The following PLPPR1 variants were observed in gnomAD, a reference collection of about 807,000 sequenced individuals.
The protein encoded by PLPPR1 is phospholipid phosphatase-related protein type 1.
A neutral mutation model predicts 33.1 loss-of-function variants in PLPPR1; 10 were observed. That is an observed-to-expected ratio of 0.30 (90% confidence interval 0.19 to 0.51). PLPPR1 has a LOEUF of 0.51. PLPPR1 is among the 20% of genes least tolerant of loss of function. The probability of loss-of-function intolerance (pLI) is 0.97; values close to 1 mark genes in which losing one functional copy is unlikely to be tolerated. For synonymous variants in PLPPR1, 151 were observed against 151.0 expected, an observed-to-expected ratio of 1.00 and a Z score of 0.00; for missense variants, 304 against 408.1, an observed-to-expected ratio of 0.74 and a Z score of 2.20.
intron 1 of PLPPR1, among the ~76,000 whole-genome samples, chr9:101,146,121 A>T (rs1016641392): frequency 6.6e-6 from 1 of 152,160 alleles, no homozygotes; most frequent in Non-Finnish European, 1.5e-5. Flanking sequence ...ATAGTGCTTC[A>T]TATCTCTTGG....
At chr9:101,092,100 A>G (rs1291256144) in intron 1 of PLPPR1, among the ~76,000 whole-genome samples, 2 of 151,950 alleles carry the variant, frequency 1.3e-5, no homozygotes, top group Non-Finnish European at 2.9e-5. Context: ...CCAGCACAAC[A>G]TGCTCTCTCT....
intron 3 of PLPPR1, among the ~76,000 whole-genome samples, chr9:101,281,980 T>C (rs1223534806): frequency 6.6e-6 from 1 of 152,182 alleles, no homozygotes; most frequent in Non-Finnish European, 1.5e-5. Context: ...TGCTGCTGAA[T>C]TCTACCAAAA....
chr9:101,188,681 A>T (rs745482782), intron 2 of PLPPR1, among the ~76,000 whole-genome samples: 4 of 151,994 alleles, frequency 2.6e-5, no homozygotes, highest in Non-Finnish European at 5.9e-5. Flanking sequence ...TGGATTACTT[A>T]ATTTGGTTTA....
At chr9:101,172,791 C>T (rs966594718) in intron 1 of PLPPR1, among the ~76,000 whole-genome samples, 1 of 152,116 alleles carries the variant, frequency 6.6e-6, no homozygotes, top group Non-Finnish European at 1.5e-5. Context: ...TGCCTGGATT[C>T]CCCTTGTTGT....
chr9:101,099,526 A>G (rs1830869220), intron 1 of PLPPR1, among the ~76,000 whole-genome samples: 1 of 152,160 alleles, frequency 6.6e-6, no homozygotes, highest in Non-Finnish European at 1.5e-5. Flanking sequence ...TTGAAAATAC[A>G]TGGGGAGAAA....
At chr9:101,051,263 ACTACTACTACTT>A (rs769691751) in intron 1 of PLPPR1, among the ~76,000 whole-genome samples, 49 of 151,594 alleles carry the variant, frequency 3.2e-4, no homozygotes, top group Non-Finnish European at 4.7e-4. Context: ...TACTACTACT[ACTACTACTACTT>A]CTACTACTAC....
intron 1 of PLPPR1, among the ~76,000 whole-genome samples, chr9:101,105,837 A>G (rs1407879752): frequency 1.6e-5 from 2 of 128,840 alleles, no homozygotes; most frequent in African/African-American, 6.3e-5. Context: ...GTGCTCCTGT[A>G]TTCGGTGCAT....
intron 2 of PLPPR1, among the ~76,000 whole-genome samples, chr9:101,243,645 C>G (rs1377536113): frequency 2.6e-5 from 4 of 151,806 alleles, no homozygotes; most frequent in Non-Finnish European, 5.9e-5. Context: ...ATTGGAAAAT[C>G]TTGACTATAA....
rs917351740 is a variant in PLPPR1, at chr9:101,110,453, A to G, written c.-45-74997A>G. ...TCCATTTACCTAGCAAATTCCTTTTATTCTGAAACATTTACACAAATTTGC... is the reference window on the plus strand; with the variant it reads ...TCCATTTACCTAGCAAATTCCTTTTGTTCTGAAACATTTACACAAATTTGC... On this transcript the variant is annotated intron_variant, in intron 1 of 7. Coordinates refer to ENST00000374874, the MANE Select transcript of PLPPR1 (RefSeq NM_207299.2). Among the ~76,000 whole-genome samples the G allele has an allele frequency of 3.3e-5, 5 of 152,188 alleles. No homozygotes were observed. The East Asian group carries it at 9.6e-4, about 29-fold the overall frequency.
chr9:101,293,446 A>G (rs1189243180), intron 4 of PLPPR1, among the ~76,000 whole-genome samples: 5 of 152,064 alleles, frequency 3.3e-5, no homozygotes, highest in Admixed American at 3.3e-4. Context: ...CTCTGCACCA[A>G]GCAGACCTAA....
intron 7 of PLPPR1, among the ~76,000 whole-genome samples, chr9:101,321,649 A>G (rs1361758713): frequency 6.6e-6 from 1 of 151,864 alleles, no homozygotes; most frequent in African/African-American, 2.4e-5. Flanking sequence ...AATAACAAAA[A>G]TTAAATTAGA....
At chr9:101,060,876 A>T (rs1045241787) in intron 1 of PLPPR1, among the ~76,000 whole-genome samples, 7 of 151,946 alleles carry the variant, frequency 4.6e-5, no homozygotes, top group Admixed American at 4.6e-4. Context: ...AAAATGTTTT[A>T]TCAATTTATA....
At chr9:101,172,263 C>T (rs977762095) in intron 1 of PLPPR1, among the ~76,000 whole-genome samples, 3 of 151,718 alleles carry the variant, frequency 2.0e-5, no homozygotes, top group African/African-American at 4.8e-5. Context: ...CTCAGTAGTG[C>T]AGACTGGCTA....
At chr9:101,101,253 G>A (rs1045748241) in intron 1 of PLPPR1, among the ~76,000 whole-genome samples, 9 of 152,118 alleles carry the variant, frequency 5.9e-5, no homozygotes, top group Admixed American at 5.9e-4. Flanking sequence ...ATGTGCCAGT[G>A]ATGACTTACA....
At chr9:101,160,054 T>C (rs1202152573) in intron 1 of PLPPR1, among the ~76,000 whole-genome samples, 2 of 152,066 alleles carry the variant, frequency 1.3e-5, no homozygotes, top group Admixed American at 6.6e-5. Flanking sequence ...GAATGCTAAG[T>C]GTAGATGAAA....
At chr9:101,251,248 T>C (rs542384766) in intron 2 of PLPPR1, among the ~76,000 whole-genome samples, 1 of 152,108 alleles carries the variant, frequency 6.6e-6, no homozygotes, top group Non-Finnish European at 1.5e-5. Context: ...ATATAGTAGG[T>C]GCTCAGCAAA....
At chr9:101,068,388 A>G (rs547730068) in intron 1 of PLPPR1, among the ~76,000 whole-genome samples, 31 of 152,174 alleles carry the variant, frequency 2.0e-4, no homozygotes, top group African/African-American at 7.5e-4. Context: ...GTAGGGGCTT[A>G]AAAAAGCAGT....
At chr9:101,309,095 G>A (rs1828907693) in intron 4 of PLPPR1, 116 bp from the exon 5 acceptor site, 1 of 1,020,532 alleles carries the variant, frequency 9.8e-7, no homozygotes, top group Non-Finnish European at 1.5e-6. Context: ...ACTCCGGGGA[G>A]TACTTAGAAT....
At chr9:101,202,227 G>A (rs1166783750) in intron 2 of PLPPR1, among the ~76,000 whole-genome samples, 2 of 152,176 alleles carry the variant, frequency 1.3e-5, no homozygotes, top group Non-Finnish European at 2.9e-5. Flanking sequence ...GTTGTTTAAT[G>A]TGCATAATGT....
Sources: allele counts gnomAD v4.1 joint callset (sites outside exome capture counted in the v4.1 genomes callset), GRCh38; gene constraint gnomAD v4.1.1; transcripts MANE v1.5; gene names NCBI Gene and HGNC (gene_info 2026-07-23, HGNC 2026-07-21).